The following ST3GAL3 variants were observed in gnomAD, a reference collection of about 807,000 sequenced individuals.
ST3GAL3 encodes ST3 beta-galactoside alpha-2,3-sialyltransferase 3.
Under a neutral mutation model 50.1 loss-of-function variants are expected in ST3GAL3, and 21 were observed. The ratio of observed to expected loss-of-function variants is 0.42; its 90% CI spans 0.30 to 0.60. The LOEUF is 0.60. ST3GAL3 is among the 20% of genes least tolerant of loss of function. The pLI, the probability that ST3GAL3 is intolerant of heterozygous loss-of-function variation, is 0.19. For missense variants in ST3GAL3, 353 were observed against 489.4 expected, an observed-to-expected ratio of 0.72 and a Z score of 2.63; for synonymous variants, 183 against 190.0, an observed-to-expected ratio of 0.96 and a Z score of 0.30.
chr1:43,761,594 A>T lies in ST3GAL3; in HGVS notation c.118+25214A>T, dbSNP rs112965415. ...AGAAGTAAAATGTTTTAATTGTTGAATCTGTAGGATGGGGTTCATTATACT... is the reference window on the plus strand; with the variant it reads ...AGAAGTAAAATGTTTTAATTGTTGATTCTGTAGGATGGGGTTCATTATACT... On this transcript the variant is annotated intron_variant, in intron 2 of 11. Transcript: ENST00000347631. 9.3e-3 allele frequency among the ~76,000 whole-genome samples: 1,418 copies of T among 152,196 alleles called. 32 individuals are homozygous for T. Among genetic ancestry groups the T allele is most frequent in the African/African-American group, 0.032 (1,338 of 41,524 alleles).
At chr1:43,902,305 G>A (rs942583882) in intron 9 of ST3GAL3, among the ~76,000 whole-genome samples, 2 of 152,220 alleles carry the variant, frequency 1.3e-5, no homozygotes, top group African/African-American at 4.8e-5. Context: ...GCTGGAACAG[G>A]AATTAGGCCT....
chr1:43,773,907 A>ATAG (rs902217305), intron 2 of ST3GAL3, among the ~76,000 whole-genome samples: 5 of 152,336 alleles, frequency 3.3e-5, no homozygotes, highest in Admixed American at 6.5e-5. Context: ...TATCACCTAC[A>ATAG]TAGTGTCTGT....
chr1:43,910,688 T>C (rs1393599736), intron 9 of ST3GAL3, among the ~76,000 whole-genome samples: 1 of 152,242 alleles, frequency 6.6e-6, no homozygotes, highest in African/African-American at 2.4e-5. Context: ...GCCACCTTGT[T>C]TCTTGGCCTT....
intron 5 of ST3GAL3, chr1:43,858,009 C>A (rs1569853377): frequency 2.0e-6 from 1 of 511,260 alleles, no homozygotes; most frequent in Non-Finnish European, 3.1e-6. Context: ...ACCAACCGAT[C>A]CCTCTTCACA....
intron 2 of ST3GAL3, among the ~76,000 whole-genome samples, chr1:43,765,604 G>A (rs1692260662): frequency 1.3e-5 from 2 of 152,068 alleles, no homozygotes; most frequent in South Asian, 4.1e-4. Flanking sequence ...CTTACCTGGG[G>A]ACATTTTAAA....
rs745979516 is a variant in ST3GAL3, at chr1:43,838,282, T to G, written c.273T>G (p.Ala91=). 10 of 1,613,766 alleles carry G rather than the reference T, an allele frequency of 6.2e-6. No homozygotes were observed. In the East Asian group the frequency reaches 2.2e-4, roughly 36 times the overall value. The change falls in exon 5 of 12, where the codon GCT becomes GCG. Residue 91 remains alanine, a synonymous_variant. Coordinates refer to ENST00000347631, the MANE Select transcript of ST3GAL3 (RefSeq NM_006279.5). ...AGGGAGCTTGCAAGCCTGGCTATGCTTCAGCCTTGATGACGGCCATCTTCC... is the reference window on the plus strand; with the variant it reads ...AGGGAGCTTGCAAGCCTGGCTATGCGTCAGCCTTGATGACGGCCATCTTCC... ...FSEGACKPGY[A]SALMTAIFPR...
intron 5 of ST3GAL3, among the ~76,000 whole-genome samples, chr1:43,871,067 G>A (rs1401114555): frequency 1.3e-5 from 2 of 152,206 alleles, no homozygotes; most frequent in Non-Finnish European, 2.9e-5. Flanking sequence ...TTCCTGAAGT[G>A]AGGAGAAAGG....
rs112004411 is a variant in ST3GAL3, at chr1:43,871,557, G to A, written c.303-22826G>A. ...GGAGAGGATGGGGTGTGTGGGAGAG[G>A]CTGGGGTATGGGAGAGGATGGGGTG... On this transcript the variant is annotated intron_variant, in intron 5 of 11. Transcript: ENST00000347631. Among the ~76,000 whole-genome samples the A allele has an allele frequency of 1.8e-4, 21 of 118,724 alleles. No individual in the cohort carries two copies. The East Asian group carries it at 5.5e-3, about 31-fold the overall frequency. 77.9% of individuals were successfully genotyped at this position (118,724 alleles called of 152,430 possible).
At chr1:43,887,417 T>C (rs994722881) in intron 5 of ST3GAL3, among the ~76,000 whole-genome samples, 3 of 152,102 alleles carry the variant, frequency 2.0e-5, no homozygotes, top group African/African-American at 4.8e-5. Flanking sequence ...GAAGTATGTA[T>C]AGAAATCAAG....
intron 2 of ST3GAL3, among the ~76,000 whole-genome samples, chr1:43,740,029 T>C (rs1680154401): frequency 6.6e-6 from 1 of 151,920 alleles, no homozygotes; most frequent in Non-Finnish European, 1.5e-5. Flanking sequence ...TTAGAAGGAG[T>C]TGGGTGTGCT....
At chr1:43,751,687 A>T (rs1686153362) in intron 2 of ST3GAL3, among the ~76,000 whole-genome samples, 1 of 152,242 alleles carries the variant, frequency 6.6e-6, no homozygotes, top group South Asian at 2.1e-4. Context: ...AGCAGTAAAC[A>T]TTAATTGGCA....
chr1:43,910,382 C>T (rs1557487913), intron 9 of ST3GAL3, among the ~76,000 whole-genome samples: 1 of 152,326 alleles, frequency 6.6e-6, no homozygotes, highest in East Asian at 1.9e-4. Flanking sequence ...TCTTCTGCCA[C>T]AATTCACATC....
intron 5 of ST3GAL3, among the ~76,000 whole-genome samples, chr1:43,861,996 C>T (rs2070074708): frequency 6.6e-6 from 1 of 151,686 alleles, no homozygotes; most frequent in Non-Finnish European, 1.5e-5. Context: ...CCATTGTACT[C>T]CTGCCTGGGC....
chr1:43,869,884 TACA>T (rs991149362), intron 5 of ST3GAL3, among the ~76,000 whole-genome samples: 1 of 152,226 alleles, frequency 6.6e-6, no homozygotes, highest in Non-Finnish European at 1.5e-5. Context: ...CCCCCAACGC[TACA>T]GGCAGTTAGC....
chr1:43,896,916 C>A (rs993135551), intron 6 of ST3GAL3: 1 of 151,910 alleles, frequency 6.6e-6, no homozygotes, highest in Non-Finnish European at 1.5e-5. Context: ...TGTCTTTAGA[C>A]TTTACAAATG....
At chr1:43,877,254 A>C (rs2074285492) in intron 5 of ST3GAL3, among the ~76,000 whole-genome samples, 1 of 152,178 alleles carries the variant, frequency 6.6e-6, no homozygotes, top group South Asian at 2.1e-4. Flanking sequence ...GGGGACCTGC[A>C]TGGGAAATTC....
chr1:43,929,390 T>A (rs2084644353), intron 11 of ST3GAL3, among the ~76,000 whole-genome samples: 1 of 151,868 alleles, frequency 6.6e-6, no homozygotes, highest in Non-Finnish European at 1.5e-5. Flanking sequence ...CTGCAACCTC[T>A]GCCTCCCGGG....
intron 2 of ST3GAL3, among the ~76,000 whole-genome samples, chr1:43,786,481 T>C (rs1021995851): frequency 2.7e-4 from 41 of 152,210 alleles, no homozygotes; most frequent in African/African-American, 9.7e-4. Context: ...TCTTGATCTT[T>C]TCTTAGCTTG....
chr1:43,741,612 G>A (rs1680954739), intron 2 of ST3GAL3, among the ~76,000 whole-genome samples: 1 of 152,200 alleles, frequency 6.6e-6, no homozygotes, highest in African/African-American at 2.4e-5. Flanking sequence ...AAAATGAAGA[G>A]GAGGCTGGCA....
Sources: allele counts gnomAD v4.1 joint callset (sites outside exome capture counted in the v4.1 genomes callset), GRCh38; gene constraint gnomAD v4.1.1; transcripts MANE v1.5; gene names NCBI Gene and HGNC (gene_info 2026-07-23, HGNC 2026-07-21).